TNFRSF11A: variants seen among roughly 807,000 people sequenced by gnomAD.
TNFRSF11A encodes tumor necrosis factor receptor superfamily member 11A.
A neutral mutation model predicts 55.7 loss-of-function variants in TNFRSF11A; 32 were observed. The ratio of observed to expected loss-of-function variants is 0.57; its 90% CI spans 0.43 to 0.77. TNFRSF11A has a LOEUF of 0.77. Among genes scored for constraint, TNFRSF11A ranks in the 30% least tolerant of loss-of-function variants. The pLI, the probability that TNFRSF11A is intolerant of heterozygous loss-of-function variation, is 0.00. For missense variants in TNFRSF11A, 753 were observed against 809.8 expected, an observed-to-expected ratio of 0.93 and a Z score of 0.85; for synonymous variants, 311 against 331.0, an observed-to-expected ratio of 0.94 and a Z score of 0.65.
At chr18:62,335,986 G>A (rs1464630919) in intron 1 of TNFRSF11A, among the ~76,000 whole-genome samples, 1 of 152,204 alleles carries the variant, frequency 6.6e-6, no homozygotes, top group East Asian at 1.9e-4. Flanking sequence ...AGGAAGGGAA[G>A]GGAAGCCAGG....
intron 9 of TNFRSF11A, among the ~76,000 whole-genome samples, chr18:62,380,630 G>T (rs1388225517): frequency 6.6e-6 from 1 of 151,252 alleles, no homozygotes; most frequent in Non-Finnish European, 1.5e-5. Flanking sequence ...TAGAGACCAG[G>T]TTTCACCGTG....
intron 1 of TNFRSF11A, among the ~76,000 whole-genome samples, chr18:62,327,208 C>T (rs1364010131): frequency 6.7e-6 from 1 of 148,300 alleles, no homozygotes; most frequent in Non-Finnish European, 1.5e-5. Flanking sequence ...AGTTAATCTT[C>T]TCTGGGTGAG....
Position 62,385,194 on chromosome 18 carries a change from TC to T in TNFRSF11A, c.*161del. ...CTTTGCCTTCCAGGAAATGGGCTTT[TC>T]AGGAAGTGAATTGATGAGGACTGTC... On this transcript the variant is annotated 3_prime_UTR_variant, in exon 10 of 10. Coordinates refer to ENST00000586569, the MANE Select transcript of TNFRSF11A (RefSeq NM_003839.4). 1.2e-6 allele frequency: 1 copy of T among 842,692 alleles called. No individual in the cohort carries two copies. Among genetic ancestry groups the T allele is most frequent in the Non-Finnish European group, 1.7e-6 (1 of 600,678 alleles). 52.2% of individuals were successfully genotyped at this position (842,692 alleles called of 1,614,324 possible). A position where few individuals can be genotyped will look rare whatever the true frequency, so the allele number is the denominator to read the frequency against.
At position 62,368,783 on chromosome 18, in the gene TNFRSF11A, C is replaced by T. The variant is rs749136654; in HGVS notation, c.866C>T (p.Thr289Ile). ...GCATGTGAAGGTGTCTTACTGCTGA[C>T]TCTGGAGGAGAAGACATTTCCAGAA... The part of the protein sequence containing the change: ...QGACEGVLLL[T>I]LEEKTFPEDM... Residue 289 changes from threonine (T) to isoleucine (I), a missense_variant, in exon 9 of 10, where the codon ACT becomes ATT. Physicochemically the swap from Thr to Ile is moderately conservative, Grantham distance 89. Around this residue, in one of 3 missense-constraint regions of TNFRSF11A, gnomAD observed 567 missense variants for 596.7 expected, o/e 0.95. Transcript: ENST00000586569. 4.3e-6 allele frequency: 7 copies of T among 1,614,226 alleles called. No individual in the cohort carries two copies. The Middle Eastern group carries it at 4.9e-4, about 114-fold the overall frequency.
chr18:62,385,056 C>A lies in TNFRSF11A; in HGVS notation c.*22C>A. ...TTGAGCGCCCCCCATGGCTGGGAGC[C>A]CGAAGCTCGGAGCCAGGGCTCGCGA... is the stretch of plus-strand genomic sequence containing the variant. On this transcript the variant is annotated 3_prime_UTR_variant, in exon 10 of 10. Coordinates refer to ENST00000586569, the MANE Select transcript of TNFRSF11A (RefSeq NM_003839.4). 1 of 1,459,772 alleles carries A rather than the reference C, an allele frequency of 6.9e-7. No individual in the cohort carries two copies. The highest frequency in any genetic ancestry group is 9.0e-7 in the Non-Finnish European group (1 of 1,115,164). The allele number at this position is 1,459,772 out of a possible 1,614,324, so 90.4% of individuals were successfully genotyped here. A position where few individuals can be genotyped will look rare whatever the true frequency, so the allele number is the denominator to read the frequency against.
intron 1 of TNFRSF11A, among the ~76,000 whole-genome samples, chr18:62,347,906 AAAAAAAAC>A (rs1472370286): frequency 6.6e-6 from 1 of 151,816 alleles, no homozygotes; most frequent in African/African-American, 2.4e-5. Flanking sequence ...TCTGTCTAAA[AAAAAAAAC>A]AAAAAAACAA....
rs762560053 is a variant in TNFRSF11A, at chr18:62,369,367, G to A, written c.1450G>A (p.Ala484Thr). ...CATGGGCCTTCCCCCTGAAGAAGAAGCCAGCAGGACGGAGGCCAGAGACCA... is the reference window on the plus strand; with the variant it reads ...CATGGGCCTTCCCCCTGAAGAAGAAACCAGCAGGACGGAGGCCAGAGACCA... ...YGMGLPPEEE[A>T]SRTEARDQPE... Residue 484 changes from alanine to threonine, a missense_variant, in exon 9 of 10, where the codon GCC becomes ACC. Coordinates refer to ENST00000586569, the MANE Select transcript of TNFRSF11A (RefSeq NM_003839.4). 1.2e-6 allele frequency: 2 copies of A among 1,610,398 alleles called. No individual in the cohort carries two copies. The highest frequency in any genetic ancestry group is 2.2e-5 in the South Asian group (2 of 90,962).
intron 1 of TNFRSF11A, among the ~76,000 whole-genome samples, chr18:62,336,061 A>G (rs1196372322): frequency 6.6e-6 from 1 of 152,188 alleles, no homozygotes; most frequent in Non-Finnish European, 1.5e-5. Context: ...CTATACCCCC[A>G]TTCATCAATA....
intron 3 of TNFRSF11A, 81 bp from the exon 4 acceptor site, chr18:62,354,310 T>G: frequency 1.4e-6 from 2 of 1,451,542 alleles, no homozygotes; most frequent in Non-Finnish European, 1.8e-6. Context: ...CTGGGCTGGA[T>G]GTTGGATAGC....
intron 7 of TNFRSF11A, 47 bp from the exon 8 acceptor site, chr18:62,366,661 T>G: frequency 6.3e-7 from 1 of 1,578,336 alleles, no homozygotes; most frequent in Non-Finnish European, 8.7e-7. Flanking sequence ...AGAAAAGAAG[T>G]GGGAAATAAT....
At chr18:62,350,108 A>C (rs1207223281) in intron 3 of TNFRSF11A, among the ~76,000 whole-genome samples, 171 bp downstream of exon 3, 2 of 152,298 alleles carry the variant, frequency 1.3e-5, no homozygotes, top group Middle Eastern at 3.4e-3. Context: ...GCCTCTGTTA[A>C]AATTCTTCAT....
chr18:62,338,932 C>T (rs2046273274), intron 1 of TNFRSF11A, among the ~76,000 whole-genome samples: 1 of 152,156 alleles, frequency 6.6e-6, no homozygotes, highest in South Asian at 2.1e-4. Flanking sequence ...TCTCGCCTCC[C>T]GAAATGAGCT....
Position 62,350,003 on chromosome 18 carries a change from A to T in TNFRSF11A, c.283+66A>T, listed in dbSNP as rs1490058360. 1.9e-6 allele frequency: 3 copies of T among 1,601,170 alleles called. No individual in the cohort carries two copies. The African/African-American group carries it at 4.0e-5, about 21-fold the overall frequency. On this transcript the variant is annotated intron_variant, in intron 3 of 9. Coordinates refer to ENST00000586569, the MANE Select transcript of TNFRSF11A (RefSeq NM_003839.4). ...ACCTCAGACCTCTTTTTCTATAGAA[A>T]CATTTTTAGAGGCAGCCAATGATGT...
In TNFRSF11A at chr18:62,369,394, C is replaced by G; in HGVS notation, c.1477C>G (p.Pro493Ala). The change falls in exon 9 of 10, where the codon CCC becomes GCC. Residue 493 changes from proline to alanine, a missense_variant. Physicochemically the swap from Pro to Ala is conservative, Grantham distance 27. Transcript: ENST00000586569. ...EASRTEARDQ[P>A]EDGADGRLPS... ...CAGCAGGACGGAGGCCAGAGACCAGCCCGAGGATGGGGCTGATGGGAGGCT... is the reference window on the plus strand; with the variant it reads ...CAGCAGGACGGAGGCCAGAGACCAGGCCGAGGATGGGGCTGATGGGAGGCT... 3 of 1,611,702 alleles carry G rather than the reference C, an allele frequency of 1.9e-6. No homozygotes were observed. Among genetic ancestry groups the G allele is most frequent in the Non-Finnish European group, 2.5e-6 (3 of 1,179,906 alleles).
intron 9 of TNFRSF11A, chr18:62,373,894 G>T (rs926737294): frequency 6.6e-6 from 1 of 152,238 alleles, no homozygotes; most frequent in Non-Finnish European, 1.5e-5. Flanking sequence ...GACTGTTGTT[G>T]ATCATCCATT....
At chr18:62,373,649 G>A (rs1718446132) in intron 9 of TNFRSF11A, among the ~76,000 whole-genome samples, 1 of 152,156 alleles carries the variant, frequency 6.6e-6, no homozygotes, top group South Asian at 2.1e-4. Flanking sequence ...TCTGCTCTAG[G>A]GAGCTGGAGA....
In TNFRSF11A at chr18:62,389,640, A is replaced by G. The variant is rs1417477306; in HGVS notation, c.*4606A>G. 3 of 152,270 alleles carry G rather than the reference A, an allele frequency of 2.0e-5. No homozygotes were observed. Among genetic ancestry groups the G allele is most frequent in the African/African-American group, 7.2e-5 (3 of 41,536 alleles). The allele number at this position is 152,270 out of a possible 1,614,324, so 9.4% of individuals were successfully genotyped here. Reference sequence around the variant, plus strand: ...CTTCCTACCTCCCTCTTACCCAGTTATCCTGACCCCAGGGTGAGGTTGAAA... The same window carrying G: ...CTTCCTACCTCCCTCTTACCCAGTTGTCCTGACCCCAGGGTGAGGTTGAAA... On this transcript the variant is annotated 3_prime_UTR_variant, in exon 10 of 10. Transcript: ENST00000586569.
chr18:62,325,970 G>A lies in TNFRSF11A; in HGVS notation c.75+543G>A, dbSNP rs1390236694. Among the ~76,000 whole-genome samples, 1 of 152,212 alleles carries A rather than the reference G, an allele frequency of 6.6e-6. No homozygotes were observed. The highest frequency in any genetic ancestry group is 6.5e-5 in the Admixed American group (1 of 15,290). On this transcript the variant is annotated intron_variant, in intron 1 of 9. Coordinates refer to ENST00000586569, the MANE Select transcript of TNFRSF11A (RefSeq NM_003839.4). The surrounding 1 kb of genome is among the most constrained non-coding windows in gnomAD (Gnocchi z 4.7). ...GCTCGCCTGGAGGCCCCGCACGGCG[G>A]GGAGAGACTGCGCGCGCGCCCCGGG...
chr18:62,378,518 A>G (rs1429682093), intron 9 of TNFRSF11A, among the ~76,000 whole-genome samples: 1 of 152,224 alleles, frequency 6.6e-6, no homozygotes, highest in East Asian at 1.9e-4. Flanking sequence ...AGTGTATTTC[A>G]TGAATCTCTG....
Sources: gnomAD v4.1 joint callset for allele counts (sites outside exome capture counted in the v4.1 genomes callset) on GRCh38, gnomAD v4.1.1 for gene constraint, gnomAD v4.1.1 regional missense constraint, Gnocchi (gnomAD v3.1) non-coding constraint, MANE v1.5 for transcripts, NCBI Gene and HGNC (gene_info 2026-07-23, HGNC 2026-07-21) for gene names.